Variants in PDGFD observed in about 807,000 individuals in gnomAD.
PDGFD encodes platelet-derived growth factor D.
PDGFD carries 30 observed loss-of-function variants against 44.7 expected under a neutral mutation model. That is an observed-to-expected ratio of 0.67 (90% CI 0.50 to 0.91). PDGFD has a LOEUF of 0.91. Among genes scored for constraint, PDGFD ranks in the 40% least tolerant of loss-of-function variants. PDGFD has a pLI of 0.00. For synonymous variants in PDGFD, 173 were observed against 168.4 expected (o/e 1.03, Z -0.21); for missense variants, 445 against 457.8 (o/e 0.97, Z 0.25).
intron 1 of PDGFD, among the ~76,000 whole-genome samples, chr11:104,099,626 G>A (rs926637011): frequency 2.4e-5 from 3 of 126,512 alleles, no homozygotes; most frequent in Non-Finnish European, 3.3e-5. Flanking sequence ...AGTGAAAACT[G>A]TTTCAAAAAC....
intron 3 of PDGFD, among the ~76,000 whole-genome samples, chr11:103,971,997 T>G (rs1191665938): frequency 1.3e-5 from 2 of 152,180 alleles, no homozygotes; most frequent in African/African-American, 2.4e-5. Flanking sequence ...TTCTCTTACA[T>G]TACATAATCC....
chr11:103,976,892 T>G lies in PDGFD; in HGVS notation c.510+19173A>C, dbSNP rs148037676. 8.0e-3 allele frequency among the ~76,000 whole-genome samples: 1,222 copies of G among 152,128 alleles called. 23 individuals are homozygous for G. Among genetic ancestry groups the G allele is most frequent in the African/African-American group, 0.028 (1,167 of 41,526 alleles). ...TTGAACCAGCCTTGCATCCCAGGGA[T>G]GAAGCCAGGAGCTGTATTTTTGAAA... On this transcript the variant is annotated intron_variant, in intron 3 of 6. Coordinates refer to ENST00000393158, the MANE Select transcript of PDGFD (RefSeq NM_025208.5).
chr11:104,074,103 A>T (rs1860918232), intron 1 of PDGFD, among the ~76,000 whole-genome samples: 1 of 152,146 alleles, frequency 6.6e-6, no homozygotes, highest in African/African-American at 2.4e-5. Context: ...TTTCACCATG[A>T]CAATAAGCCT....
intron 1 of PDGFD, among the ~76,000 whole-genome samples, chr11:104,075,527 T>A (rs907240825): frequency 3.3e-5 from 5 of 152,226 alleles, no homozygotes; most frequent in African/African-American, 1.2e-4. Flanking sequence ...GGGGTCTTGC[T>A]CGGTCACCCA....
At chr11:104,141,737 A>G (rs1389527489) in intron 1 of PDGFD, among the ~76,000 whole-genome samples, 4 of 152,178 alleles carry the variant, frequency 2.6e-5, no homozygotes, top group Non-Finnish European at 5.9e-5. Context: ...GGAGAAGGCA[A>G]TGTGACCATG....
intron 6 of PDGFD, among the ~76,000 whole-genome samples, chr11:103,910,984 G>A (rs116590131): frequency 0.017 from 2,597 of 152,312 alleles, 77 homozygotes; most frequent in African/African-American, 0.06. Context: ...TGAATGGGGC[G>A]GAGCCCACCG....
At chr11:104,043,252 T>C (rs1860388555) in intron 1 of PDGFD, among the ~76,000 whole-genome samples, 1 of 152,212 alleles carries the variant, frequency 6.6e-6, no homozygotes, top group African/African-American at 2.4e-5. Context: ...GACCACCTGC[T>C]GCATGTCAGG....
chr11:104,116,843 G>A (rs192651157), intron 1 of PDGFD, among the ~76,000 whole-genome samples: 1 of 151,896 alleles, frequency 6.6e-6, no homozygotes, highest in African/African-American at 2.4e-5. Context: ...GTTTATCAGG[G>A]GTTTCTGCTT....
At chr11:104,161,277 G>A (rs192533639) in intron 1 of PDGFD, among the ~76,000 whole-genome samples, 45 of 152,184 alleles carry the variant, frequency 3.0e-4, no homozygotes, top group Admixed American at 2.4e-3. Context: ...TATATTCCAT[G>A]TTCATGTCCT....
In PDGFD at chr11:104,163,846, C is replaced by T. The variant is rs1412385233; in HGVS notation, c.82G>A (p.Ala28Thr). 3.2e-6 allele frequency: 5 copies of T among 1,570,890 alleles called. No individual in the cohort carries two copies. The South Asian group carries it at 3.5e-5, about 11-fold the overall frequency. The change falls in exon 1 of 7, where the codon GCA becomes ACA. Residue 28 changes from alanine to threonine, a missense_variant. Transcript: ENST00000393158. ...GCGTTGCGCAAAGCTTTGATGGATG[C>T]GCTCTGCGGGGTTGCAGAAGTGTCC... ...CRDTSATPQS[A>T]SIKALRNANL...
At chr11:103,934,891 G>C (rs892298564) in intron 5 of PDGFD, among the ~76,000 whole-genome samples, 9 of 152,166 alleles carry the variant, frequency 5.9e-5, no homozygotes, top group Non-Finnish European at 1.0e-4. Context: ...GACACTCAGT[G>C]AGTTGGATCT....
intron 1 of PDGFD, among the ~76,000 whole-genome samples, chr11:104,086,119 T>A (rs1861126157): frequency 6.6e-6 from 1 of 152,074 alleles, no homozygotes. Context: ...AAAAGAGGTC[T>A]CCCCTGGCAA....
chr11:103,973,629 C>T (rs1275403159), intron 3 of PDGFD, among the ~76,000 whole-genome samples: 2 of 152,118 alleles, frequency 1.3e-5, no homozygotes, highest in African/African-American at 4.8e-5. Context: ...TGAGAAAACT[C>T]AGGCTTGGAT....
intron 3 of PDGFD, among the ~76,000 whole-genome samples, chr11:103,994,569 A>C (rs1276488831): frequency 6.6e-6 from 1 of 152,206 alleles, no homozygotes; most frequent in Non-Finnish European, 1.5e-5. Flanking sequence ...AAGAAAACCA[A>C]TTAGATTTTT....
intron 1 of PDGFD, among the ~76,000 whole-genome samples, chr11:104,014,879 A>G (rs1859837558): frequency 6.6e-6 from 1 of 152,210 alleles, no homozygotes; most frequent in Non-Finnish European, 1.5e-5. Context: ...GACAAGACCC[A>G]AAGTAATTCC....
At chr11:103,914,126 C>T (rs984283881) in intron 6 of PDGFD, among the ~76,000 whole-genome samples, 2 of 152,164 alleles carry the variant, frequency 1.3e-5, no homozygotes, top group African/African-American at 4.8e-5. Context: ...AAGAGGTCAG[C>T]TGTTAGGTCC....
chr11:104,137,483 C>T (rs1234638341), intron 1 of PDGFD, among the ~76,000 whole-genome samples: 3 of 151,882 alleles, frequency 2.0e-5, no homozygotes, highest in African/African-American at 7.2e-5. Context: ...GAAAATTTAT[C>T]GTATTGTTTC....
chr11:103,921,630 CCAT>C (rs1273819338), intron 6 of PDGFD, among the ~76,000 whole-genome samples: 1 of 151,654 alleles, frequency 6.6e-6, no homozygotes, highest in Non-Finnish European at 1.5e-5. Context: ...CTAAATCTAA[CCAT>C]CATTGAGGAT....
intron 1 of PDGFD, among the ~76,000 whole-genome samples, chr11:104,155,807 A>T (rs527513830): frequency 6.6e-6 from 1 of 152,230 alleles, no homozygotes; most frequent in Non-Finnish European, 1.5e-5. Flanking sequence ...AAATGTTTCA[A>T]TGAAATGCAG....
Sources: allele counts gnomAD v4.1 joint callset (sites outside exome capture counted in the v4.1 genomes callset), GRCh38; gene constraint gnomAD v4.1.1; transcripts MANE v1.5; gene names NCBI Gene and HGNC (gene_info 2026-07-23, HGNC 2026-07-21).